Variants in ALK observed in about 807,000 individuals in gnomAD.
ALK encodes the protein ALK receptor tyrosine kinase, also known as ALK tyrosine kinase receptor.
In ALK, 74 loss-of-function variants were observed where a neutral mutation model predicts 163.1. The ratio of observed to expected loss-of-function variants is 0.45; its 90% CI spans 0.38 to 0.55. The LOEUF (loss-of-function observed/expected upper bound fraction) is 0.55. ALK is among the 20% of genes least tolerant of loss of function. ALK has a pLI of 0.00. For missense variants in ALK, 2,063 were observed against 2,105.3 expected (o/e 0.98, Z 0.39); for synonymous variants, 960 against 843.2 (o/e 1.14, Z -2.40).
intron 3 of ALK, among the ~76,000 whole-genome samples, chr2:29,569,447 A>C (rs1425384449): frequency 1.3e-5 from 2 of 152,138 alleles, no homozygotes; most frequent in African/African-American, 4.8e-5. Context: ...TGTCTATAGA[A>C]TGGGTTGGAT....
chr2:29,853,268 T>A (rs1666051641), intron 1 of ALK, among the ~76,000 whole-genome samples: 1 of 152,150 alleles, frequency 6.6e-6, no homozygotes. Context: ...TTCACAGACA[T>A]CTCAAATGCA....
chr2:29,741,232 T>A (rs10211451), intron 1 of ALK, among the ~76,000 whole-genome samples: 8,301 of 151,926 alleles, frequency 0.055, 756 homozygotes, highest in African/African-American at 0.19. Context: ...CACAGAGGAT[T>A]TGGGGGGCAA....
intron 9 of ALK, among the ~76,000 whole-genome samples, chr2:29,288,971 T>A (rs200359583): frequency 0.35 from 11,711 of 33,694 alleles, 2,291 homozygotes; most frequent in Non-Finnish European, 0.51. Flanking sequence ...AATAAATAAA[T>A]AAATAAATAA....
At chr2:29,375,910 T>C (rs957015947) in intron 5 of ALK, among the ~76,000 whole-genome samples, 2 of 152,116 alleles carry the variant, frequency 1.3e-5, no homozygotes, top group Non-Finnish European at 2.9e-5. Context: ...CTAAAGTTCA[T>C]CTTAATCAAA....
chr2:29,335,865 C>T (rs1159162987), intron 5 of ALK, among the ~76,000 whole-genome samples: 1 of 151,974 alleles, frequency 6.6e-6, no homozygotes, highest in Admixed American at 6.6e-5. Context: ...CATAGTGAAA[C>T]CCCATCTCTA....
intron 11 of ALK, among the ~76,000 whole-genome samples, chr2:29,270,592 G>A (rs1408687441): frequency 6.6e-6 from 1 of 152,122 alleles, no homozygotes; most frequent in Non-Finnish European, 1.5e-5. Flanking sequence ...GATTCCATAG[G>A]TTGACAGGGG....
intron 3 of ALK, among the ~76,000 whole-genome samples, chr2:29,558,396 AC>A (rs777365478): frequency 2.0e-5 from 3 of 151,938 alleles, no homozygotes; most frequent in Non-Finnish European, 4.4e-5. Context: ...TGAAGTCCAA[AC>A]TCTTTAGCCT....
intron 4 of ALK, among the ~76,000 whole-genome samples, chr2:29,506,824 C>A (rs932182476): frequency 2.6e-5 from 4 of 151,922 alleles, no homozygotes; most frequent in East Asian, 1.9e-4. Context: ...GGGTGGGACA[C>A]TGGGGAATGA....
chr2:29,393,239 G>A (rs574306877), intron 4 of ALK, among the ~76,000 whole-genome samples: 2 of 152,282 alleles, frequency 1.3e-5, no homozygotes, highest in East Asian at 3.9e-4. Flanking sequence ...GAAGGACCTT[G>A]GAAGGGCCTC....
At chr2:29,428,250 G>A (rs1670191216) in intron 4 of ALK, among the ~76,000 whole-genome samples, 1 of 151,884 alleles carries the variant, frequency 6.6e-6, no homozygotes. Flanking sequence ...AAAACATGCA[G>A]AGACTGTAAA....
At chr2:29,742,939 C>T (rs1190158179) in intron 1 of ALK, among the ~76,000 whole-genome samples, 5 of 152,230 alleles carry the variant, frequency 3.3e-5, no homozygotes, top group African/African-American at 9.6e-5. Flanking sequence ...ATAACAAACA[C>T]TTCTTGTACT....
chr2:29,500,429 G>A (rs911864651), intron 4 of ALK, among the ~76,000 whole-genome samples: 4 of 152,158 alleles, frequency 2.6e-5, no homozygotes, highest in African/African-American at 9.7e-5. Context: ...GAGAAGCCAA[G>A]TGGAAGCTAC....
At position 29,831,259 on chromosome 2, in the gene ALK, G is replaced by GGAAGAAGAAGAAGAAGAAGAAGAAGAA. The variant is rs201594262; in HGVS notation, c.667+88707_667+88733dup. ...AGGAAGAAGAAGAGGAAGAGGAAGA[G>GGAAGAAGAAGAAGAAGAAGAAGAAGAA]GAAGAAGAAGAAGAAGAAGAAGAAG... On this transcript the variant is annotated intron_variant, in intron 1 of 28. Coordinates refer to ENST00000389048, the MANE Select transcript of ALK (RefSeq NM_004304.5). Among the ~76,000 whole-genome samples the GGAAGAAGAAGAAGAAGAAGAAGAAGAA allele has an allele frequency of 5.9e-3, 167 of 28,146 alleles. 5 individuals carry two copies. The highest frequency in any genetic ancestry group is 0.029 in the Middle Eastern group (1 of 34). The allele number at this position is 28,146 out of a possible 152,430, so 18.5% of individuals were successfully genotyped here. A position where few individuals can be genotyped will look rare whatever the true frequency, so the allele number is the denominator to read the frequency against.
chr2:29,208,205 A>AG (rs1213130104), intron 25 of ALK, among the ~76,000 whole-genome samples: 2 of 152,198 alleles, frequency 1.3e-5, no homozygotes, highest in Non-Finnish European at 2.9e-5. Context: ...ATTCTACTTG[A>AG]GGCAGGGGTA....
At chr2:29,831,308 GAAGAAGAA>G (rs1665413787) in intron 1 of ALK, among the ~76,000 whole-genome samples, 2 of 138,312 alleles carry the variant, frequency 1.4e-5, no homozygotes, top group African/African-American at 5.1e-5. Context: ...AGAAGAAGAA[GAAGAAGAA>G]GAAGAAATGT....
At chr2:29,305,257 C>T (rs1558662093) in intron 8 of ALK, among the ~76,000 whole-genome samples, 1 of 152,172 alleles carries the variant, frequency 6.6e-6, no homozygotes, top group African/African-American at 2.4e-5. Context: ...TAAGGGCCTT[C>T]TTGGGGCTGT....
intron 8 of ALK, among the ~76,000 whole-genome samples, chr2:29,305,612 G>C (rs1666488776): frequency 6.6e-6 from 1 of 152,096 alleles, no homozygotes. Context: ...CCCATGCCAA[G>C]TATACCCAGC....
At chr2:29,635,078 C>T (rs1023630723) in intron 3 of ALK, among the ~76,000 whole-genome samples, 8 of 152,000 alleles carry the variant, frequency 5.3e-5, no homozygotes, top group Admixed American at 1.3e-4. Context: ...CTAACAAAAC[C>T]GGTACAGAAT....
At position 29,383,761 on chromosome 2, in the gene ALK, T is replaced by C. The variant is rs2148301472; in HGVS notation, c.1253A>G (p.Asp418Gly). 8 of 1,614,110 alleles carry C rather than the reference T, an allele frequency of 5.0e-6. No homozygotes were observed. Among genetic ancestry groups the C allele is most frequent in the Non-Finnish European group, 6.8e-6 (8 of 1,179,986 alleles). Residue 418 changes from aspartate to glycine, a missense_variant, in exon 5 of 29, where the codon GAC becomes GGC. This residue lies in a region of ALK where 987 missense variants were observed against 939.5 expected (regional missense o/e 1.05). Transcript: ENST00000389048. ...ACTGCAGTTCTTCAGGGCAAAGAAG[T>C]CCACTGCAGACAAGCTGCGGTTTCC... ...SSGNRSLSAVDFFALKNCSEG... is the reference protein window; with the variant it reads ...SSGNRSLSAVGFFALKNCSEG...
Sources: allele counts gnomAD v4.1 joint callset (sites outside exome capture counted in the v4.1 genomes callset), GRCh38; gene constraint gnomAD v4.1.1; regional missense constraint gnomAD v4.1.1; transcripts MANE v1.5; gene names NCBI Gene and HGNC (gene_info 2026-07-23, HGNC 2026-07-21).